RBMS3: variants seen among roughly 807,000 people sequenced by gnomAD.
RBMS3 encodes RNA-binding motif, single-stranded-interacting protein 3.
Under a neutral mutation model 66.8 loss-of-function variants are expected in RBMS3, and 27 were observed. That is an observed-to-expected ratio of 0.40 (90% CI 0.30 to 0.56). RBMS3 has a LOEUF of 0.56. Ranked by LOEUF, RBMS3 falls within the 20% of genes least tolerant of loss-of-function variation. The pLI is 0.40. For missense variants in RBMS3, 513 were observed against 549.5 expected (o/e 0.93, Z 0.66); for synonymous variants, 188 against 183.0 (o/e 1.03, Z -0.22).
At chr3:29,979,221 C>A (rs1054026582) in intron 12 of RBMS3, among the ~76,000 whole-genome samples, 1 of 152,088 alleles carries the variant, frequency 6.6e-6, no homozygotes, top group African/African-American at 2.4e-5. Flanking sequence ...ATATAAGAAC[C>A]TATATTTCTC....
At chr3:29,290,129 G>A (rs1397592255) in intron 1 of RBMS3, among the ~76,000 whole-genome samples, 4 of 151,724 alleles carry the variant, frequency 2.6e-5, no homozygotes, top group African/African-American at 4.8e-5. Flanking sequence ...GGCTATTGTC[G>A]ATGTCTGTAA....
chr3:29,297,290 T>G (rs1440041934), intron 1 of RBMS3, among the ~76,000 whole-genome samples: 2 of 151,840 alleles, frequency 1.3e-5, no homozygotes, highest in East Asian at 3.9e-4. Flanking sequence ...CGGTGAAGAA[T>G]GCCAATATAT....
At chr3:29,758,070 TG>T (rs2055503812) in intron 5 of RBMS3, among the ~76,000 whole-genome samples, 1 of 152,204 alleles carries the variant, frequency 6.6e-6, no homozygotes, top group Admixed American at 6.5e-5. Flanking sequence ...CTAGTTTTCA[TG>T]GGTTTTGGGA....
intron 4 of RBMS3, among the ~76,000 whole-genome samples, chr3:29,680,260 CAT>C (rs1425935615): frequency 1.3e-5 from 2 of 152,128 alleles, no homozygotes; most frequent in Non-Finnish European, 2.9e-5. Flanking sequence ...CTCAGACAAA[CAT>C]GTTTTTATAC....
intron 1 of RBMS3, among the ~76,000 whole-genome samples, chr3:29,326,563 T>A (rs2035346825): frequency 6.6e-6 from 1 of 152,144 alleles, no homozygotes; most frequent in South Asian, 2.1e-4. Flanking sequence ...TCCAGATATT[T>A]GTTTATGTGG....
chr3:29,947,330 C>T (rs897751458), intron 12 of RBMS3, among the ~76,000 whole-genome samples: 6 of 151,416 alleles, frequency 4.0e-5, no homozygotes, highest in Non-Finnish European at 5.9e-5. Flanking sequence ...TTGTTTTCTT[C>T]GTTCTTTGCC....
intron 4 of RBMS3, among the ~76,000 whole-genome samples, chr3:29,662,593 T>G (rs1243060152): frequency 2.0e-5 from 3 of 152,124 alleles, no homozygotes; most frequent in Non-Finnish European, 4.4e-5. Flanking sequence ...ATGAGAAAAC[T>G]GGGATTGAAA....
rs1168794299 is a variant in RBMS3 at position 29,798,296 on chromosome 3, G to C, written c.637+35307G>C. ...GAAGGGAAGGGAAGGGAAGAGAAGG[G>C]AAGGGAGGGGAAGGGAGGGGAAGGG... On this transcript the variant is annotated intron_variant, in intron 6 of 14. Transcript: ENST00000383767. Among the ~76,000 whole-genome samples the C allele has an allele frequency of 3.0e-5, 3 of 100,324 alleles. No homozygotes were observed. The South Asian group carries it at 1.3e-3, about 42-fold the overall frequency. The allele number at this position is 100,324 out of a possible 152,430, so 65.8% of individuals were successfully genotyped here.
At chr3:29,577,064 C>G (rs1004687684) in intron 3 of RBMS3, among the ~76,000 whole-genome samples, 3 of 152,220 alleles carry the variant, frequency 2.0e-5, no homozygotes, top group African/African-American at 4.8e-5. Context: ...CCATAGCAAA[C>G]AACCTGGGTT....
intron 5 of RBMS3, among the ~76,000 whole-genome samples, chr3:29,745,924 T>C (rs2054874297): frequency 6.6e-6 from 1 of 151,902 alleles, no homozygotes; most frequent in African/African-American, 2.4e-5. Context: ...GGTATAGGCA[T>C]ACAAATACTA....
chr3:29,707,566 CT>C (rs764014329), intron 4 of RBMS3, among the ~76,000 whole-genome samples: 11 of 152,166 alleles, frequency 7.2e-5, no homozygotes, highest in Non-Finnish European at 1.6e-4. Flanking sequence ...CCAAATAATT[CT>C]TTTGCACACA....
chr3:29,642,416 G>T (rs969531577), intron 4 of RBMS3, among the ~76,000 whole-genome samples: 36 of 151,984 alleles, frequency 2.4e-4, no homozygotes, highest in Admixed American at 6.6e-4. Context: ...AGGAAACTTT[G>T]TATCTCTATT....
At chr3:29,653,386 C>T (rs2050209335) in intron 4 of RBMS3, among the ~76,000 whole-genome samples, 1 of 152,068 alleles carries the variant, frequency 6.6e-6, no homozygotes, top group South Asian at 2.1e-4. Flanking sequence ...CTTTCTTATC[C>T]TCATTGTCGT....
intron 8 of RBMS3, among the ~76,000 whole-genome samples, chr3:29,894,417 A>G (rs1234625144): frequency 6.6e-6 from 1 of 151,358 alleles, no homozygotes; most frequent in Non-Finnish European, 1.5e-5. Flanking sequence ...GGGTCTCACC[A>G]TGTTGTTCAG....
At chr3:29,630,645 T>C (rs2049250894) in intron 4 of RBMS3, among the ~76,000 whole-genome samples, 1 of 152,008 alleles carries the variant, frequency 6.6e-6, no homozygotes, top group African/African-American at 2.4e-5. Flanking sequence ...ATCACTGGCA[T>C]TTATGGTTAG....
intron 4 of RBMS3, among the ~76,000 whole-genome samples, chr3:29,720,862 T>C (rs1022359451): frequency 6.6e-6 from 1 of 152,092 alleles, no homozygotes; most frequent in Non-Finnish European, 1.5e-5. Flanking sequence ...CTGCTGTCAT[T>C]GTCTGGGGCT....
chr3:29,838,605 T>C (rs2058587285), intron 6 of RBMS3, among the ~76,000 whole-genome samples: 1 of 152,146 alleles, frequency 6.6e-6, no homozygotes, highest in South Asian at 2.1e-4. Flanking sequence ...TTTTATGCCA[T>C]AAGACCATCT....
intron 4 of RBMS3, among the ~76,000 whole-genome samples, chr3:29,665,389 C>T (rs967516346): frequency 1.8e-4 from 28 of 152,142 alleles, no homozygotes; most frequent in African/African-American, 6.8e-4. Context: ...AAATAGTTTA[C>T]ATAACTTAGC....
At position 29,401,196 on chromosome 3, in the gene RBMS3, C is replaced by A. The variant is rs558058512; in HGVS notation, c.76-33547C>A. On this transcript the variant is annotated intron_variant, in intron 1 of 14. Coordinates refer to ENST00000383767, the MANE Select transcript of RBMS3 (RefSeq NM_001003793.3). ...TCCCATTTTCTCCCAACAGGCATAC[C>A]TATTAAAAAGAAAGAGTTTCCAGAA... Among the ~76,000 whole-genome samples, 4 of 152,120 alleles carry A rather than the reference C, an allele frequency of 2.6e-5. No individual in the cohort carries two copies. In the South Asian group the frequency reaches 8.3e-4, roughly 32 times the overall value.
Sources: allele counts gnomAD v4.1 joint callset (sites outside exome capture counted in the v4.1 genomes callset), GRCh38; gene constraint gnomAD v4.1.1; transcripts MANE v1.5; gene names NCBI Gene and HGNC (gene_info 2026-07-23, HGNC 2026-07-21).